The following GMDS variants were observed in gnomAD, a reference collection of about 807,000 sequenced individuals.
GMDS encodes the protein GDP-mannose 4,6-dehydratase.
A neutral mutation model predicts 49.9 loss-of-function variants in GMDS; 20 were observed. That is an observed-to-expected ratio of 0.40 (90% CI 0.28 to 0.58). GMDS has a LOEUF of 0.58. GMDS is among the 20% of genes least tolerant of loss of function. GMDS has a pLI of 0.42. For missense variants in GMDS, 362 were observed against 481.4 expected, an observed-to-expected ratio of 0.75 and a Z score of 2.32; for synonymous variants, 177 against 178.6, an observed-to-expected ratio of 0.99 and a Z score of 0.07.
Position 1,726,411 on chromosome 6 carries a change from C to T in GMDS, c.987+5G>A, listed in dbSNP as rs1387031495. 2 of 1,605,034 alleles carry T rather than the reference C, an allele frequency of 1.2e-6. No individual in the cohort carries two copies. The highest frequency in any genetic ancestry group is 1.7e-5 in the Admixed American group (1 of 59,994). ...CCACGCACTGGGTGGCCAGAGAGTC[C>T]TTACCACTTCAGTTGGCCGGTAGTA... On this transcript the variant is annotated splice_donor_5th_base_variant and intron_variant, in intron 9 of 10. Coordinates refer to ENST00000380815, the MANE Select transcript of GMDS (RefSeq NM_001500.4).
intron 1 of GMDS, among the ~76,000 whole-genome samples, chr6:2,205,649 T>C (rs988388033): frequency 6.6e-6 from 1 of 152,182 alleles, no homozygotes; most frequent in East Asian, 1.9e-4. Context: ...TATGCAGAGA[T>C]GTTACCAAAG....
intron 7 of GMDS, among the ~76,000 whole-genome samples, chr6:1,886,701 A>C (rs1039396773): frequency 2.0e-5 from 3 of 152,208 alleles, no homozygotes; most frequent in African/African-American, 7.2e-5. Context: ...ACAAACACTA[A>C]AGTTTCTGTG....
At position 1,766,331 on chromosome 6, in the gene GMDS, C is replaced by A. The variant is rs781458278; in HGVS notation, c.772-23745G>T. 6.6e-6 allele frequency among the ~76,000 whole-genome samples: 1 copy of A among 152,070 alleles called. No homozygotes were observed. Among genetic ancestry groups the A allele is most frequent in the African/African-American group, 2.4e-5 (1 of 41,416 alleles). ...GCAGATTCATTTGGGCTTCAGGAAACGCGGTGCATGAGCTGTTTCAGGTGC... is the reference window on the plus strand; with the variant it reads ...GCAGATTCATTTGGGCTTCAGGAAAAGCGGTGCATGAGCTGTTTCAGGTGC... On this transcript the variant is annotated intron_variant, in intron 7 of 10. Coordinates refer to ENST00000380815, the MANE Select transcript of GMDS (RefSeq NM_001500.4). This position sits in a 1 kb window ranked among gnomAD's most constrained non-coding sequence, Gnocchi z 4.5.
chr6:2,215,063 T>G (rs1386556128), intron 1 of GMDS, among the ~76,000 whole-genome samples: 2 of 152,194 alleles, frequency 1.3e-5, no homozygotes, highest in Non-Finnish European at 2.9e-5. Context: ...TGATTAAGTC[T>G]TTAAATCTAA....
chr6:1,894,713 G>A (rs1473658247), intron 7 of GMDS, among the ~76,000 whole-genome samples: 3 of 152,132 alleles, frequency 2.0e-5, no homozygotes, highest in African/African-American at 4.8e-5. Flanking sequence ...TAGAGAAATG[G>A]GATGGTAATA....
At chr6:1,888,488 T>A (rs145866021) in intron 7 of GMDS, among the ~76,000 whole-genome samples, 304 of 152,262 alleles carry the variant, frequency 2.0e-3, no homozygotes, top group African/African-American at 7.0e-3. Context: ...ACCCCCATCA[T>A]CCAGTTACCT....
At chr6:1,715,955 G>A (rs543215576) in intron 9 of GMDS, among the ~76,000 whole-genome samples, 1 of 152,240 alleles carries the variant, frequency 6.6e-6, no homozygotes, top group South Asian at 2.1e-4. Context: ...CAAACAGCAG[G>A]TTTTAGATGA....
rs73716274 is a variant in GMDS at position 1,718,045 on chromosome 6, T to C, written c.987+8371A>G. On this transcript the variant is annotated intron_variant, in intron 9 of 10. Coordinates refer to ENST00000380815, the MANE Select transcript of GMDS (RefSeq NM_001500.4). ...ACAAGTGCTTAGTTTGTGTATGCTG[T>C]GAATTATTAACCTACTTTTTCAAAA... Among the ~76,000 whole-genome samples the C allele has an allele frequency of 3.0e-3, 457 of 152,318 alleles. 3 individuals are homozygous for C. Among genetic ancestry groups the C allele is most frequent in the African/African-American group, 0.01 (431 of 41,568 alleles).
intron 4 of GMDS, among the ~76,000 whole-genome samples, chr6:2,058,407 A>C (rs762776270): frequency 5.9e-5 from 9 of 152,092 alleles, no homozygotes; most frequent in Non-Finnish European, 1.3e-4. Context: ...CCTAAAAAAG[A>C]TACTGGTGCC....
At position 2,228,007 on chromosome 6, in the gene GMDS, A is replaced by C. The variant is rs1179377053; in HGVS notation, c.102+17314T>G. On this transcript the variant is annotated intron_variant, in intron 1 of 10. Transcript: ENST00000380815. ...AGCCTGTGCTGGGTCTACGCAGTGA[A>C]GTACAAGGTAAAAAGAAGGCAAGCA... 5.9e-5 allele frequency among the ~76,000 whole-genome samples: 9 copies of C among 152,344 alleles called. No homozygotes were observed. In the East Asian group the frequency reaches 1.7e-3, roughly 29 times the overall value.
intron 4 of GMDS, among the ~76,000 whole-genome samples, chr6:2,022,740 G>A (rs1391073807): frequency 1.3e-5 from 2 of 152,114 alleles, no homozygotes; most frequent in African/African-American, 4.8e-5. Context: ...AACAGGAAAA[G>A]AGCATTCCCA....
chr6:2,000,033 A>C (rs1252079770), intron 4 of GMDS, among the ~76,000 whole-genome samples: 4 of 20,458 alleles, frequency 2.0e-4, no homozygotes, highest in South Asian at 1.3e-3. Context: ...ATATATCTAT[A>C]TCTTTTTTTT....
At chr6:1,669,093 T>C in intron 9 of GMDS, among the ~76,000 whole-genome samples, 1 of 152,252 alleles carries the variant, frequency 6.6e-6, no homozygotes, top group East Asian at 1.9e-4. Flanking sequence ...GGAAACTTTG[T>C]CAAATGTCTT....
intron 9 of GMDS, among the ~76,000 whole-genome samples, chr6:1,651,078 A>T (rs1444248118): frequency 6.6e-6 from 1 of 152,178 alleles, no homozygotes; most frequent in Non-Finnish European, 1.5e-5. Context: ...TGGGAGGAAA[A>T]TTAGGCTTGT....
intron 7 of GMDS, among the ~76,000 whole-genome samples, chr6:1,784,292 T>C (rs1027984585): frequency 2.1e-5 from 3 of 143,346 alleles, no homozygotes; most frequent in Non-Finnish European, 4.5e-5. Context: ...CTCAGGAGGC[T>C]GAGGCAGGAG....
intron 6 of GMDS, among the ~76,000 whole-genome samples, chr6:1,939,508 C>CAT (rs968199693): frequency 9.3e-5 from 14 of 151,012 alleles, no homozygotes; most frequent in African/African-American, 1.7e-4. Flanking sequence ...TACACACATG[C>CAT]ATATATATAT....
Position 1,778,708 on chromosome 6 carries a change from C to A in GMDS, c.772-36122G>T, listed in dbSNP as rs1490223790. Among the ~76,000 whole-genome samples, 1 of 152,182 alleles carries A rather than the reference C, an allele frequency of 6.6e-6. No individual in the cohort carries two copies. Among genetic ancestry groups the A allele is most frequent in the African/African-American group, 2.4e-5 (1 of 41,438 alleles). On this transcript the variant is annotated intron_variant, in intron 7 of 10. Transcript: ENST00000380815. The surrounding 1 kb of genome is among the most constrained non-coding windows in gnomAD (Gnocchi z 4.6). ...TTTGTCTGTCACTGGAGGGAACTTT[C>A]CCTTCCTGCCAGCCAGGAAAAAGCC...
intron 9 of GMDS, among the ~76,000 whole-genome samples, chr6:1,712,344 T>C (rs946100825): frequency 2.6e-5 from 4 of 152,230 alleles, no homozygotes; most frequent in East Asian, 1.9e-4. Context: ...ACTTAGGAGA[T>C]AGGGAAGCTG....
chr6:1,719,857 T>C (rs1477701708), intron 9 of GMDS, among the ~76,000 whole-genome samples: 3 of 152,202 alleles, frequency 2.0e-5, no homozygotes, highest in Non-Finnish European at 4.4e-5. Context: ...TTTAAGACGA[T>C]AAAAAGATTT....
Sources: gnomAD v4.1 joint callset for allele counts (sites outside exome capture counted in the v4.1 genomes callset) on GRCh38, gnomAD v4.1.1 for gene constraint, Gnocchi (gnomAD v3.1) non-coding constraint, MANE v1.5 for transcripts, NCBI Gene and HGNC (gene_info 2026-07-23, HGNC 2026-07-21) for gene names.